The following SF3B1 variants were observed in gnomAD, a reference collection of about 807,000 sequenced individuals.
The protein encoded by SF3B1 is splicing factor 3b subunit 1.
Under a neutral mutation model 153.8 loss-of-function variants are expected in SF3B1, and 12 were observed. The ratio of observed to expected loss-of-function variants is 0.08; its 90% confidence interval spans 0.05 to 0.13. SF3B1 has a LOEUF of 0.13. SF3B1 is among the 10% of genes least tolerant of loss of function. The probability of loss-of-function intolerance (pLI) is 1.00; values close to 1 mark genes in which losing one functional copy is unlikely to be tolerated. For synonymous variants in SF3B1, 498 were observed against 525.2 expected, an observed-to-expected ratio of 0.95 and a Z score of 0.71; for missense variants, 513 against 1,606.1, an observed-to-expected ratio of 0.32 and a Z score of 11.63.
At chr2:197,397,913 G>C in intron 22 of SF3B1, 72 bp downstream of exon 22, 1 of 1,142,184 alleles carries the variant, frequency 8.8e-7, no homozygotes, top group Non-Finnish European at 1.3e-6. Context: ...TTTCTACATG[G>C]AAGTATTTTC....
At chr2:197,411,532 C>T (rs1290028032) in intron 6 of SF3B1, among the ~76,000 whole-genome samples, 2 of 151,804 alleles carry the variant, frequency 1.3e-5, no homozygotes, top group Admixed American at 6.6e-5. Flanking sequence ...ATCAGCCAGG[C>T]GTTGTAGCGG....
At position 197,423,736 on chromosome 2, in the gene SF3B1, G is replaced by C. The variant is rs1055616680; in HGVS notation, c.195+72C>G. On this transcript the variant is annotated intron_variant, in intron 2 of 24. Transcript: ENST00000335508. ...TTTCTCCAGATTAAACCAGATGGCTGCAACAAAAGTTATTCATATTTCTTG... is the reference window on the plus strand; with the variant it reads ...TTTCTCCAGATTAAACCAGATGGCTCCAACAAAAGTTATTCATATTTCTTG... The C allele has an allele frequency of 1.2e-5, 17 of 1,467,032 alleles. No homozygotes were observed. In the African/African-American group the frequency reaches 2.0e-4, roughly 17 times the overall value. 90.9% of individuals were successfully genotyped at this position (1,467,032 alleles called of 1,614,324 possible).
chr2:197,397,447 A>T (rs2084888735), intron 22 of SF3B1, among the ~76,000 whole-genome samples: 2 of 152,196 alleles, frequency 1.3e-5, no homozygotes, highest in South Asian at 2.1e-4. Flanking sequence ...CCCTGAAAAC[A>T]CCTAAAGTGT....
rs750426696 is a variant in SF3B1 at position 197,396,091 on chromosome 2, G to A, written c.3504C>T (p.Ala1168=). The change falls in exon 23 of 25, where the codon GCC becomes GCT. Residue 1168 remains alanine (A), a synonymous_variant. Coordinates refer to ENST00000335508, the MANE Select transcript of SF3B1 (RefSeq NM_012433.4). ...AAGCATCTTCAAGTAACGGTGTTAC[G>A]GCATAAATGTAGTCTTTTCCCATTT... ...IGEMGKDYIY[A]VTPLLEDALM... The A allele has an allele frequency of 1.1e-5, 18 of 1,613,266 alleles. No individual in the cohort carries two copies. Among genetic ancestry groups the A allele is most frequent in the Middle Eastern group, 3.3e-4 (2 of 6,054 alleles).
chr2:197,407,647 A>G (rs1366700339), intron 9 of SF3B1, among the ~76,000 whole-genome samples: 1 of 152,020 alleles, frequency 6.6e-6, no homozygotes, highest in Non-Finnish European at 1.5e-5. Flanking sequence ...TCCACTGACA[A>G]TCCATAAACT....
At chr2:197,415,787 A>C (rs754112253) in intron 6 of SF3B1, among the ~76,000 whole-genome samples, 1 of 152,072 alleles carries the variant, frequency 6.6e-6, no homozygotes, top group African/African-American at 2.4e-5. Context: ...TTTCTAAGAA[A>C]GATTTTACAG....
At chr2:197,413,324 C>G (rs2085099708) in intron 6 of SF3B1, among the ~76,000 whole-genome samples, 1 of 152,172 alleles carries the variant, frequency 6.6e-6, no homozygotes, top group Non-Finnish European at 1.5e-5. Flanking sequence ...TCACTTGAGT[C>G]TGGGAGGCGG....
chr2:197,434,398 T>C (rs779632917), intron 1 of SF3B1, among the ~76,000 whole-genome samples: 4 of 152,176 alleles, frequency 2.6e-5, no homozygotes, highest in Non-Finnish European at 5.9e-5. Flanking sequence ...AAGAAAAAGA[T>C]CAATATTATA....
intron 6 of SF3B1, among the ~76,000 whole-genome samples, chr2:197,415,359 T>G (rs1401477511): frequency 2.0e-5 from 3 of 151,952 alleles, no homozygotes; most frequent in Non-Finnish European, 2.9e-5. Flanking sequence ...TTCAAGTGAT[T>G]CTCCTGTCTC....
intron 2 of SF3B1, among the ~76,000 whole-genome samples, chr2:197,422,707 G>A (rs1439460473): frequency 2.0e-5 from 3 of 151,730 alleles, no homozygotes; most frequent in African/African-American, 4.8e-5. Flanking sequence ...TGGCTAACAC[G>A]GTGAAACCCC....
chr2:197,415,438 T>C (rs909189805), intron 6 of SF3B1, among the ~76,000 whole-genome samples: 14 of 151,914 alleles, frequency 9.2e-5, no homozygotes, highest in Admixed American at 2.6e-4. Flanking sequence ...GTATTTTTAG[T>C]AGAGACAGGG....
Position 197,402,943 on chromosome 2 carries a change from A to G in SF3B1, c.1806+6T>C. 6.2e-7 allele frequency: 1 copy of G among 1,612,218 alleles called. No homozygotes were observed. The highest frequency in any genetic ancestry group is 1.1e-5 in the South Asian group (1 of 90,972). ...ATTTTCTTCTCTAGAAATTAAATGT[A>G]AATACCTTTGCCAAATTAGAAATGA... On this transcript the variant is annotated splice_donor_region_variant and intron_variant, in intron 13 of 24. Transcript: ENST00000335508. The surrounding 1 kb of genome is among the most constrained non-coding windows in gnomAD (Gnocchi z 4.6).
chr2:197,423,815 A>T lies in SF3B1; in HGVS notation c.188T>A (p.Leu63His). The part of the protein sequence containing the change: ...GYVTSIAATE[L>H]EDDDDDYSSS... ...ACATAATTTGTAACTTACATCTTCA[A>T]GTTCAGTTGCAGCAATTGATGTCAC... Residue 63 changes from leucine to histidine, a missense_variant, in exon 2 of 25, where the codon CTT (leucine) becomes CAT (histidine). Leu to His is a moderately conservative substitution (Grantham distance 99). This residue lies in a region of SF3B1 where 14 missense variants were observed against 54.8 expected (regional missense o/e 0.26). Transcript: ENST00000335508. 1.9e-6 allele frequency: 3 copies of T among 1,612,846 alleles called. No individual in the cohort carries two copies. The highest frequency in any genetic ancestry group is 2.5e-6 in the Non-Finnish European group (3 of 1,179,692).
At chr2:197,416,968 T>G in intron 5 of SF3B1, 57 bp from the exon 6 acceptor site, 2 of 1,530,230 alleles carry the variant, frequency 1.3e-6, no homozygotes, top group Non-Finnish European at 1.8e-6. Flanking sequence ...TTTTCTACCA[T>G]TAGCGCAATC....
At chr2:197,420,916 G>A (rs2085230124) in intron 3 of SF3B1, 113 bp downstream of exon 3, 2 of 690,596 alleles carry the variant, frequency 2.9e-6, no homozygotes, top group East Asian at 5.6e-5. Flanking sequence ...TACAAAATAA[G>A]TTATTATTTA....
At chr2:197,406,922 T>C (rs2085000480) in intron 9 of SF3B1, among the ~76,000 whole-genome samples, 1 of 151,828 alleles carries the variant, frequency 6.6e-6, no homozygotes, top group Non-Finnish European at 1.5e-5. Context: ...CTCCCGTATC[T>C]ACAAAAAATA....
chr2:197,404,004 C>T (rs2084962042), intron 11 of SF3B1, among the ~76,000 whole-genome samples: 1 of 152,228 alleles, frequency 6.6e-6, no homozygotes, highest in African/African-American at 2.4e-5. Flanking sequence ...GAGGTATGTA[C>T]TAAATGCCTT....
intron 1 of SF3B1, among the ~76,000 whole-genome samples, chr2:197,434,067 A>AG (rs2085483680): frequency 6.6e-6 from 1 of 152,230 alleles, no homozygotes; most frequent in African/African-American, 2.4e-5. Context: ...CCTCTCACAG[A>AG]CTAATACCGA....
At chr2:197,424,979 G>A (rs903464481) in intron 1 of SF3B1, among the ~76,000 whole-genome samples, 1 of 151,674 alleles carries the variant, frequency 6.6e-6, no homozygotes, top group African/African-American at 2.4e-5. Context: ...AGCCAAGATG[G>A]TGAAACCTCC....
Sources: allele counts gnomAD v4.1 joint callset (sites outside exome capture counted in the v4.1 genomes callset), GRCh38; gene constraint gnomAD v4.1.1; regional missense constraint gnomAD v4.1.1; non-coding constraint Gnocchi (gnomAD v3.1); transcripts MANE v1.5; gene names NCBI Gene and HGNC (gene_info 2026-07-23, HGNC 2026-07-21).